NAALADL2: variants seen among roughly 807,000 people sequenced by gnomAD.
NAALADL2 encodes N-acetylated alpha-linked acidic dipeptidase like 2.
NAALADL2 carries 76 observed loss-of-function variants against 87.2 expected under a neutral mutation model. The ratio of observed to expected loss-of-function variants is 0.87; its 90% CI spans 0.72 to 1.05. NAALADL2 has a LOEUF of 1.05. Ranked by LOEUF, NAALADL2 falls within the 50% of genes least tolerant of loss-of-function variation. NAALADL2 has a pLI of 0.00. For missense variants in NAALADL2, 1,089 were observed against 945.8 expected (o/e 1.15, Z -1.99); for synonymous variants, 354 against 331.0 (o/e 1.07, Z -0.75).
intron 10 of NAALADL2, among the ~76,000 whole-genome samples, chr3:175,609,868 G>C (rs1724370202): frequency 6.6e-6 from 1 of 152,088 alleles, no homozygotes; most frequent in Non-Finnish European, 1.5e-5. Flanking sequence ...ATTATTAAGT[G>C]GCACTATGGT....
At chr3:175,015,179 C>G (rs1750652087) in intron 1 of NAALADL2, among the ~76,000 whole-genome samples, 1 of 152,024 alleles carries the variant, frequency 6.6e-6, no homozygotes, top group Non-Finnish European at 1.5e-5. Flanking sequence ...CTTAAAAACA[C>G]AGCATTTGGT....
At chr3:174,958,404 C>T (rs867772005) in intron 1 of NAALADL2, among the ~76,000 whole-genome samples, 2 of 151,858 alleles carry the variant, frequency 1.3e-5, no homozygotes, top group East Asian at 3.9e-4. Flanking sequence ...TCCAAAGTGT[C>T]AGGAATGGGA....
At chr3:175,802,929 G>T in intron 13 of NAALADL2, 76 bp from the exon 14 acceptor site, 1 of 931,506 alleles carries the variant, frequency 1.1e-6, no homozygotes. Flanking sequence ...CTGACTCTTA[G>T]AAATATTCAT....
intron 9 of NAALADL2, among the ~76,000 whole-genome samples, chr3:175,554,622 A>T (rs1391798125): frequency 6.6e-6 from 1 of 152,106 alleles, no homozygotes; most frequent in African/African-American, 2.4e-5. Context: ...GTCAAAGGAT[A>T]AGAATATCTT....
chr3:175,548,372 G>T (rs1476204692), intron 9 of NAALADL2, among the ~76,000 whole-genome samples: 1 of 152,040 alleles, frequency 6.6e-6, no homozygotes, highest in Admixed American at 6.6e-5. Context: ...GACACATAGA[G>T]GGGAACAACA....
rs114029944 is a variant in NAALADL2, at chr3:175,544,840, G to T, written c.1654-31201G>T. Among the ~76,000 whole-genome samples, 1,293 of 152,028 alleles carry T rather than the reference G, an allele frequency of 8.5e-3. 24 individuals are homozygous for T. Among genetic ancestry groups the T allele is most frequent in the African/African-American group, 0.03 (1,242 of 41,430 alleles). On this transcript the variant is annotated intron_variant, in intron 9 of 13. Coordinates refer to ENST00000454872, the MANE Select transcript of NAALADL2 (RefSeq NM_207015.3). ...CAAGATTTTTCTGCCTATGTTATGGGCTATCTAGAATTAGCTTTTCACTTG... is the reference window on the plus strand; with the variant it reads ...CAAGATTTTTCTGCCTATGTTATGGTCTATCTAGAATTAGCTTTTCACTTG...
In NAALADL2 at chr3:175,755,489, A is replaced by G. The variant is rs1025122052; in HGVS notation, c.2189+71A>G. 108 of 1,139,678 alleles carry G rather than the reference A, an allele frequency of 9.5e-5. No homozygotes were observed. In the African/African-American group the frequency reaches 1.3e-3, roughly 14 times the overall value. The allele number at this position is 1,139,678 out of a possible 1,614,324, so 70.6% of individuals were successfully genotyped here. ...TGTTTATGTTTAACTTTCAGAATAC[A>G]TACCTTCTATGAACATAACAGTAGT... On this transcript the variant is annotated intron_variant, in intron 13 of 13. Coordinates refer to ENST00000454872, the MANE Select transcript of NAALADL2 (RefSeq NM_207015.3).
chr3:175,270,812 A>C (rs1256547189), intron 4 of NAALADL2, among the ~76,000 whole-genome samples: 1 of 152,156 alleles, frequency 6.6e-6, no homozygotes, highest in African/African-American at 2.4e-5. Flanking sequence ...GGCCTCTGTA[A>C]ACCTCTTCCA....
In NAALADL2 at chr3:175,233,916, TCA is replaced by T. The variant is rs1745400253; in HGVS notation, c.546-14_546-13del. The T allele has an allele frequency of 1.3e-6, 2 of 1,494,366 alleles. No individual in the cohort carries two copies. 92.6% of individuals were successfully genotyped at this position (1,494,366 alleles called of 1,614,324 possible). A position where few individuals can be genotyped will look rare whatever the true frequency, so the allele number is the denominator to read the frequency against. On this transcript the variant is annotated splice_polypyrimidine_tract_variant and intron_variant, in intron 2 of 13. Coordinates refer to ENST00000454872, the MANE Select transcript of NAALADL2 (RefSeq NM_207015.3). ...TCTCCTTTTTAAAAAAGTTTTCTTT[TCA>T]AATTTATTTCAGAAATTTGGTACAA...
intron 1 of NAALADL2, among the ~76,000 whole-genome samples, chr3:174,499,052 T>C (rs1718723941): frequency 6.6e-6 from 1 of 152,112 alleles, no homozygotes; most frequent in Admixed American, 6.6e-5. Context: ...GTTATAATTG[T>C]TAATCTCTGA....
At chr3:175,774,625 T>TA (rs1024684762) in intron 13 of NAALADL2, among the ~76,000 whole-genome samples, 6 of 151,946 alleles carry the variant, frequency 3.9e-5, no homozygotes, top group African/African-American at 7.3e-5. Context: ...AGCTGTTAGT[T>TA]AAAAAATACC....
chr3:175,434,489 G>C (rs1470124692), intron 5 of NAALADL2, among the ~76,000 whole-genome samples: 1 of 151,956 alleles, frequency 6.6e-6, no homozygotes. Flanking sequence ...CAGGGAAGCA[G>C]GGGTTAATTA....
At chr3:175,566,306 T>G (rs1717139957) in intron 9 of NAALADL2, among the ~76,000 whole-genome samples, 2 of 152,166 alleles carry the variant, frequency 1.3e-5, no homozygotes, top group Non-Finnish European at 2.9e-5. Flanking sequence ...AATGGGCAGT[T>G]TTTCTTCTAA....
chr3:175,031,593 T>A (rs1752806349), intron 1 of NAALADL2, among the ~76,000 whole-genome samples: 3 of 152,086 alleles, frequency 2.0e-5, no homozygotes, highest in African/African-American at 4.8e-5. Context: ...AGTGCATGTT[T>A]CTTTTTGGTA....
chr3:175,412,242 A>G (rs1476543150), intron 5 of NAALADL2, among the ~76,000 whole-genome samples: 1 of 152,196 alleles, frequency 6.6e-6, no homozygotes, highest in East Asian at 1.9e-4. Flanking sequence ...GGATGACACA[A>G]AAGATAGATT....
intron 2 of NAALADL2, among the ~76,000 whole-genome samples, chr3:174,610,469 G>GA (rs1228124567): frequency 4.0e-5 from 6 of 151,586 alleles, no homozygotes; most frequent in African/African-American, 9.7e-5. Context: ...AAATTTACAA[G>GA]AAAAAAACAA....
At chr3:175,624,081 C>T (rs533194916) in intron 10 of NAALADL2, among the ~76,000 whole-genome samples, 37 of 151,568 alleles carry the variant, frequency 2.4e-4, no homozygotes, top group Non-Finnish European at 4.0e-4. Flanking sequence ...AATAAACAAA[C>T]GAAAACAAAA....
intron 3 of NAALADL2, among the ~76,000 whole-genome samples, chr3:175,253,245 G>A (rs983353478): frequency 7.2e-5 from 11 of 152,158 alleles, no homozygotes; most frequent in Non-Finnish European, 1.2e-4. Context: ...TGAAGTTGAA[G>A]CCAGTGCTCA....
chr3:175,632,514 T>A (rs1163237429), intron 11 of NAALADL2, among the ~76,000 whole-genome samples: 1 of 151,958 alleles, frequency 6.6e-6, no homozygotes, highest in Non-Finnish European at 1.5e-5. Context: ...AGGTTGTAGA[T>A]AAGAGTGTGT....
Sources: gnomAD v4.1 joint callset for allele counts (sites outside exome capture counted in the v4.1 genomes callset) on GRCh38, gnomAD v4.1.1 for gene constraint, MANE v1.5 for transcripts, NCBI Gene and HGNC (gene_info 2026-07-23, HGNC 2026-07-21) for gene names.